Variants in NFIB observed in about 807,000 individuals in gnomAD.
NFIB encodes nuclear factor I B, also known as nuclear factor 1 B-type.
Under a neutral mutation model 61.5 loss-of-function variants are expected in NFIB, and 11 were observed. That is an observed-to-expected ratio of 0.18 (90% confidence interval 0.11 to 0.30). NFIB has a LOEUF of 0.30. Among genes scored for constraint, NFIB ranks in the 10% least tolerant of loss-of-function variants. NFIB has a pLI of 1.00. For synonymous variants in NFIB, 260 were observed against 216.5 expected, an observed-to-expected ratio of 1.20 and a Z score of -1.76; for missense variants, 471 against 608.9, an observed-to-expected ratio of 0.77 and a Z score of 2.38.
intron 7 of NFIB, among the ~76,000 whole-genome samples, chr9:14,125,335 T>C (rs1309924739): frequency 1.3e-5 from 2 of 152,100 alleles, no homozygotes; most frequent in African/African-American, 4.8e-5. Flanking sequence ...TTTTTGTATT[T>C]TTAGTAGAGA....
the NFIB span, among the ~76,000 whole-genome samples, chr9:14,494,912 C>G: frequency 6.6e-6 from 1 of 152,302 alleles, no homozygotes; most frequent in African/African-American, 2.4e-5. Flanking sequence ...TCCTTAAAAT[C>G]GTCACAACTG....
the NFIB span, among the ~76,000 whole-genome samples, chr9:14,519,875 C>A: frequency 6.6e-6 from 1 of 152,124 alleles, no homozygotes; most frequent in Non-Finnish European, 1.5e-5. Flanking sequence ...GATGCCTAGG[C>A]CCTTAACCAT....
chr9:14,313,298 G>T lies in NFIB; in HGVS notation c.30+184C>A, dbSNP rs2060376788. ...GGCGCGGGGCTGGGCGCTCGCAGTGGCCGTGGCGAGGGGCCGCTCCCGGCT... is the reference window on the plus strand; with the variant it reads ...GGCGCGGGGCTGGGCGCTCGCAGTGTCCGTGGCGAGGGGCCGCTCCCGGCT... On this transcript the variant is annotated intron_variant, in intron 1 of 10. Coordinates refer to ENST00000380953, the MANE Select transcript of NFIB (RefSeq NM_001190737.2). The surrounding 1 kb of genome is among the most constrained non-coding windows in gnomAD (Gnocchi z 4.5). Among the ~76,000 whole-genome samples the T allele has an allele frequency of 6.6e-6, 1 of 151,600 alleles. No individual in the cohort carries two copies. The highest frequency in any genetic ancestry group is 1.5e-5 in the Non-Finnish European group (1 of 67,888).
At chr9:14,178,972 G>C (rs2046459931) in intron 3 of NFIB, among the ~76,000 whole-genome samples, 1 of 152,048 alleles carries the variant, frequency 6.6e-6, no homozygotes. Context: ...TTTTGTTTTT[G>C]TTAGTTTATT....
intron 2 of NFIB, among the ~76,000 whole-genome samples, chr9:14,210,910 T>G (rs2050239183): frequency 6.6e-6 from 1 of 152,206 alleles, no homozygotes; most frequent in Admixed American, 6.5e-5. Flanking sequence ...GTGGATTTTC[T>G]GGGAAGTTAC....
chr9:14,093,927 T>C (rs925318235), intron 10 of NFIB, among the ~76,000 whole-genome samples: 2 of 152,106 alleles, frequency 1.3e-5, no homozygotes, highest in Non-Finnish European at 1.5e-5. Context: ...AATATACCAG[T>C]TGCTAGCACT....
intron 1 of NFIB, among the ~76,000 whole-genome samples, chr9:14,388,434 G>C (rs551201634): frequency 1.7e-5 from 2 of 119,244 alleles, no homozygotes; most frequent in South Asian, 2.9e-4. Context: ...GAAGGAGAGA[G>C]AAAGAGAGAG....
intron 2 of NFIB, among the ~76,000 whole-genome samples, chr9:14,259,941 G>C (rs190142968): frequency 6.6e-4 from 101 of 152,212 alleles, no homozygotes; most frequent in Admixed American, 2.3e-3. Context: ...AAAACTATTG[G>C]TGAAAAACAG....
At position 14,314,081 on chromosome 9, in the gene NFIB, C is replaced by G. The variant is rs2060423366; in HGVS notation, c.-570G>C. 4.7e-6 allele frequency: 5 copies of G among 1,053,014 alleles called. No individual in the cohort carries two copies. The highest frequency in any genetic ancestry group is 4.3e-4 in the Middle Eastern group (1 of 2,338). 65.2% of individuals were successfully genotyped at this position (1,053,014 alleles called of 1,614,324 possible). A position where few individuals can be genotyped will look rare whatever the true frequency, so the allele number is the denominator to read the frequency against. On this transcript the variant is annotated 5_prime_UTR_variant, in exon 1 of 11. Coordinates refer to ENST00000380953, the MANE Select transcript of NFIB (RefSeq NM_001190737.2). Reference sequence around the variant, plus strand: ...CGGCAGGATCCCGGAGTGGTGATCGCAGGCGAAACTTTGCCGCGAGCCGAC... The same window carrying G: ...CGGCAGGATCCCGGAGTGGTGATCGGAGGCGAAACTTTGCCGCGAGCCGAC...
At chr9:14,280,441 A>AC (rs1388944427) in intron 2 of NFIB, among the ~76,000 whole-genome samples, 1 of 152,068 alleles carries the variant, frequency 6.6e-6, no homozygotes, top group Non-Finnish European at 1.5e-5. Flanking sequence ...ACCAAGGAGG[A>AC]CCTATCCTAA....
chr9:14,217,731 A>C (rs2051109107), intron 2 of NFIB, among the ~76,000 whole-genome samples: 1 of 151,776 alleles, frequency 6.6e-6, no homozygotes, highest in African/African-American at 2.4e-5. Flanking sequence ...AAGACTCATC[A>C]AAAATCCTGC....
At chr9:14,404,619 A>G in the NFIB span, among the ~76,000 whole-genome samples, 1 of 152,176 alleles carries the variant, frequency 6.6e-6, no homozygotes, top group African/African-American at 2.4e-5. Context: ...AGCTCCCTGT[A>G]GAAGCTAAAA....
intron 5 of NFIB, among the ~76,000 whole-genome samples, chr9:14,149,755 A>G (rs2042655608): frequency 2.0e-5 from 3 of 152,196 alleles, no homozygotes; most frequent in South Asian, 4.1e-4. Context: ...TCATTATCCT[A>G]AGCTTAGATG....
At chr9:14,503,248 AC>A in the NFIB span, among the ~76,000 whole-genome samples, 1 of 152,026 alleles carries the variant, frequency 6.6e-6, no homozygotes, top group Non-Finnish European at 1.5e-5. Context: ...GCTGCTATAA[AC>A]ATGTGTGTGC....
At chr9:14,491,470 G>A in the NFIB span, among the ~76,000 whole-genome samples, 1 of 152,176 alleles carries the variant, frequency 6.6e-6, no homozygotes, top group African/African-American at 2.4e-5. Context: ...CAACCATTCT[G>A]GGGCAGAGAA....
upstream of NFIB, among the ~76,000 whole-genome samples, chr9:14,317,997 T>C (rs1460492535): frequency 6.6e-6 from 1 of 152,192 alleles, no homozygotes; most frequent in Non-Finnish European, 1.5e-5. Flanking sequence ...TCTTAAACTT[T>C]GGTACTTACC....
At chr9:14,152,327 C>A (rs1209619016) in intron 4 of NFIB, among the ~76,000 whole-genome samples, 1 of 151,856 alleles carries the variant, frequency 6.6e-6, no homozygotes. Context: ...GTAGCTATGT[C>A]TGTTGTGGCT....
chr9:14,116,657 A>G (rs770214216), intron 8 of NFIB, among the ~76,000 whole-genome samples: 8 of 152,254 alleles, frequency 5.3e-5, no homozygotes, highest in Non-Finnish European at 1.0e-4. Flanking sequence ...GCAGACTTAA[A>G]TGCTTAGCCC....
At position 14,108,727 on chromosome 9, in the gene NFIB, A is replaced by G. The variant is rs149692176; in HGVS notation, c.1467+4272T>C. Among the ~76,000 whole-genome samples, 452 of 152,212 alleles carry G rather than the reference A, an allele frequency of 3.0e-3. 1 individual carries two copies. Among genetic ancestry groups the G allele is most frequent in the African/African-American group, 9.1e-3 (377 of 41,566 alleles). ...GTAATATATATATAGTCAGGAGATT[A>G]TAATTTTGAGATTATGAAAATAAGA... On this transcript the variant is annotated intron_variant, in intron 10 of 10. Transcript: ENST00000380953.
Sources: allele counts gnomAD v4.1 joint callset (sites outside exome capture counted in the v4.1 genomes callset), GRCh38; gene constraint gnomAD v4.1.1; non-coding constraint Gnocchi (gnomAD v3.1); transcripts MANE v1.5; gene names NCBI Gene and HGNC (gene_info 2026-07-23, HGNC 2026-07-21).